Variants in BDP1 observed in about 807,000 individuals in gnomAD.
The protein encoded by BDP1 is transcription factor TFIIIB component B'' homolog.
In BDP1, 169 loss-of-function variants were observed where a neutral mutation model predicts 266.6. That is an observed-to-expected ratio of 0.63 (90% CI 0.56 to 0.72). The LOEUF (loss-of-function observed/expected upper bound fraction) is 0.72. Ranked by LOEUF, BDP1 falls within the 30% of genes least tolerant of loss-of-function variation. BDP1 has a pLI of 0.00. For synonymous variants in BDP1, 1,090 were observed against 1,022.4 expected (o/e 1.07, Z -1.26); for missense variants, 3,015 against 3,053.8 (o/e 0.99, Z 0.30).
At chr5:71,472,386 G>A (rs1179148141) in intron 7 of BDP1, among the ~76,000 whole-genome samples, 2 of 152,304 alleles carry the variant, frequency 1.3e-5, no homozygotes, top group East Asian at 1.9e-4. Flanking sequence ...GCCTGAACCC[G>A]GGAGGTGGAG....
In BDP1 at chr5:71,501,571, GA is replaced by G; in HGVS notation, c.1971del (p.Asp658IlefsTer3). 1.3e-6 allele frequency: 2 copies of G among 1,587,632 alleles called. No individual in the cohort carries two copies. Among genetic ancestry groups the G allele is most frequent in the Non-Finnish European group, 1.7e-6 (2 of 1,159,798 alleles). On this transcript the variant is annotated frameshift_variant, in exon 14 of 39. Coordinates refer to ENST00000358731, the MANE Select transcript of BDP1 (RefSeq NM_018429.3). LOFTEE classifies it high-confidence loss of function. ...SKTSVEKNHV[E>X]KDKMNTLDIL... Reference sequence around the variant, plus strand: ...CAAATTAAATTCACAGAACCACGTGGAAAAAGATAAAATGAATACATTGGAC... The same window carrying G: ...CAAATTAAATTCACAGAACCACGTGGAAAAGATAAAATGAATACATTGGAC...
intron 25 of BDP1, among the ~76,000 whole-genome samples, chr5:71,526,615 C>CAAAAAAAAAA (rs752124588): frequency 2.0e-5 from 1 of 49,864 alleles, no homozygotes; most frequent in Non-Finnish European, 3.5e-5. Flanking sequence ...GACTCTATCT[C>CAAAAAAAAAA]AAAAAAAAAA....
Position 71,564,926 on chromosome 5 carries a change from A to C in BDP1, c.*41A>C. On this transcript the variant is annotated 3_prime_UTR_variant, in exon 39 of 39. Coordinates refer to ENST00000358731, the MANE Select transcript of BDP1 (RefSeq NM_018429.3). ...TTTTCTTTTTTAAATTAGGTCTAGG[A>C]TTTCCAGAGTCAATTACATCAACAA... 7 of 1,541,734 alleles carry C rather than the reference A, an allele frequency of 4.5e-6. 1 individual carries two copies. In the Middle Eastern group the frequency reaches 1.7e-3, roughly 371 times the overall value.
intron 26 of BDP1, among the ~76,000 whole-genome samples, chr5:71,535,285 C>T (rs1178410238): frequency 1.3e-5 from 2 of 151,598 alleles, no homozygotes; most frequent in Admixed American, 6.6e-5. Flanking sequence ...GCTCACTGCA[C>T]CCTCCGCCTC....
downstream of BDP1, among the ~76,000 whole-genome samples, chr5:71,571,283 T>C (rs574850429): frequency 1.1e-4 from 16 of 152,320 alleles, no homozygotes; most frequent in South Asian, 3.3e-3. Flanking sequence ...TAGCTGGGAC[T>C]ATAGGTGCAT....
At chr5:71,486,688 C>T (rs1006194736) in intron 9 of BDP1, 61 bp downstream of exon 9, 3 of 1,350,780 alleles carry the variant, frequency 2.2e-6, no homozygotes, top group Non-Finnish European at 2.9e-6. Flanking sequence ...GCAATATTGT[C>T]CCTCAGGCCT....
chr5:71,465,952 A>G (rs1229471075), intron 4 of BDP1, 144 bp from the exon 5 acceptor site: 1 of 781,838 alleles, frequency 1.3e-6, no homozygotes, highest in Admixed American at 3.3e-5. Flanking sequence ...TGCGTCCTTA[A>G]TAACACATAC....
chr5:71,472,030 T>A (rs2150368124), intron 7 of BDP1, among the ~76,000 whole-genome samples: 1 of 152,350 alleles, frequency 6.6e-6, no homozygotes, highest in South Asian at 2.1e-4. Flanking sequence ...AGAAATTGAT[T>A]TTCTGGAATT....
intron 11 of BDP1, chr5:71,494,620 T>C (rs1262734285): frequency 6.6e-6 from 1 of 152,244 alleles, no homozygotes; most frequent in Non-Finnish European, 1.5e-5. Context: ...ATAGCAAGGA[T>C]TGCCTATATA....
intron 21 of BDP1, among the ~76,000 whole-genome samples, chr5:71,516,754 A>T (rs1426714378): frequency 1.3e-5 from 2 of 152,148 alleles, no homozygotes; most frequent in Admixed American, 6.5e-5. Flanking sequence ...ATCTCTTATT[A>T]ATGGGTCTTT....
At chr5:71,560,259 T>C in intron 37 of BDP1, 22 bp downstream of exon 37, 1 of 1,609,382 alleles carries the variant, frequency 6.2e-7, no homozygotes, top group Non-Finnish European at 8.5e-7. Context: ...AAATCTTTAA[T>C]AAGTGTTTTG....
intron 21 of BDP1, 50 bp downstream of exon 21, chr5:71,516,321 G>A (rs781430161): frequency 4.3e-5 from 59 of 1,387,016 alleles, no homozygotes; most frequent in Non-Finnish European, 5.4e-5. Context: ...CATTTAAAAT[G>A]TCAAGTTATA....
intron 28 of BDP1, among the ~76,000 whole-genome samples, chr5:71,540,059 G>GAGC (rs1766870312): frequency 6.6e-6 from 1 of 152,082 alleles, no homozygotes; most frequent in South Asian, 2.1e-4. Flanking sequence ...ATGACAAATA[G>GAGC]AGCACAAAGA....
intron 5 of BDP1, among the ~76,000 whole-genome samples, chr5:71,466,877 C>T (rs1561671116): frequency 6.6e-6 from 1 of 151,952 alleles, no homozygotes; most frequent in East Asian, 1.9e-4. Flanking sequence ...TGTAATACTG[C>T]TAATAATAGT....
rs142931425 is a variant in BDP1 at position 71,467,084 on chromosome 5, T to C, written c.786-270T>C. ...GTGCAAGTCAATAATACAAATACCG[T>C]TTTATAATACGTAGCCCAAAGATGT... On this transcript the variant is annotated intron_variant, in intron 5 of 38. Transcript: ENST00000358731. Among the ~76,000 whole-genome samples, 826 of 152,322 alleles carry C rather than the reference T, an allele frequency of 5.4e-3. 8 individuals carry two copies. The highest frequency in any genetic ancestry group is 0.019 in the African/African-American group (791 of 41,580).
chr5:71,474,644 C>T (rs1337815746), intron 7 of BDP1, among the ~76,000 whole-genome samples: 1 of 150,766 alleles, frequency 6.6e-6, no homozygotes, highest in Non-Finnish European at 1.5e-5. Context: ...GGTGTGGAGT[C>T]CAAGACCAGC....
intron 11 of BDP1, among the ~76,000 whole-genome samples, chr5:71,494,201 G>T (rs1218061637): frequency 6.6e-6 from 1 of 152,172 alleles, no homozygotes. Flanking sequence ...GAGAACTCTT[G>T]CTGATAAGTC....
chr5:71,546,644 A>C (rs1405135714), intron 32 of BDP1, among the ~76,000 whole-genome samples: 1 of 137,588 alleles, frequency 7.3e-6, no homozygotes, highest in Non-Finnish European at 1.6e-5. Flanking sequence ...AAAAAAAAAA[A>C]ACCAAAAAAC....
chr5:71,461,851 G>A lies in BDP1; in HGVS notation c.524G>A (p.Ser175Asn). ...AAAAACAAATATGCTATAAATGAAA[G>A]TCAGAGGCCACCAGATCGTTCAAAA... ...QWKNKYAINE[S>N]QRPPDRSKMT... Residue 175 changes from serine to asparagine, a missense_variant, in exon 3 of 39, where the codon AGT (serine) becomes AAT (asparagine). By Grantham distance (46) the Ser-to-Asn change is conservative. Around this residue, in one of 3 missense-constraint regions of BDP1, gnomAD observed 2,383 missense variants for 2,404.9 expected, o/e 0.99. Transcript: ENST00000358731. The A allele has an allele frequency of 6.2e-7, 1 of 1,606,160 alleles. No individual in the cohort carries two copies. The highest frequency in any genetic ancestry group is 8.5e-7 in the Non-Finnish European group (1 of 1,175,326).
Sources: allele counts gnomAD v4.1 joint callset (sites outside exome capture counted in the v4.1 genomes callset), GRCh38; gene constraint gnomAD v4.1.1; regional missense constraint gnomAD v4.1.1; transcripts MANE v1.5; gene names NCBI Gene and HGNC (gene_info 2026-07-23, HGNC 2026-07-21).